Variants in FIP1L1 observed in about 807,000 individuals in gnomAD.
FIP1L1 encodes the protein factor interacting with PAPOLA and CPSF1, also known as pre-mRNA 3'-end-processing factor FIP1.
Under a neutral mutation model 84.6 loss-of-function variants are expected in FIP1L1, and 21 were observed. That is an observed-to-expected ratio of 0.25 (90% CI 0.18 to 0.36). The LOEUF is 0.36. FIP1L1 is among the 10% of genes least tolerant of loss of function. The pLI is 1.00. For synonymous variants in FIP1L1, 263 were observed against 242.3 expected, an observed-to-expected ratio of 1.09 and a Z score of -0.80; for missense variants, 526 against 751.1, an observed-to-expected ratio of 0.70 and a Z score of 3.50.
At chr4:53,378,203 G>C (rs1735727322) in intron 1 of FIP1L1, 2 of 340,618 alleles carry the variant, frequency 5.9e-6, no homozygotes, top group Non-Finnish European at 1.1e-5. Context: ...TGCTTTCCCC[G>C]AGGCGTCTCG....
At chr4:53,427,861 T>C (rs1764963974) in intron 12 of FIP1L1, among the ~76,000 whole-genome samples, 166 bp from the exon 13 acceptor site, 2 of 152,226 alleles carry the variant, frequency 1.3e-5, no homozygotes, top group African/African-American at 4.8e-5. Context: ...CAGGCGTATG[T>C]ATACACATAT....
At chr4:53,414,374 T>A (rs1758503774) in intron 10 of FIP1L1, among the ~76,000 whole-genome samples, 1 of 152,154 alleles carries the variant, frequency 6.6e-6, no homozygotes, top group Admixed American at 6.5e-5. Context: ...ATTTCTGCAT[T>A]GACATCATAC....
intron 13 of FIP1L1, among the ~76,000 whole-genome samples, chr4:53,438,805 A>G (rs1770638876): frequency 6.6e-6 from 1 of 152,166 alleles, no homozygotes; most frequent in African/African-American, 2.4e-5. Flanking sequence ...AATGTTTTTG[A>G]GGACTAAAGT....
chr4:53,442,526 A>T, intron 13 of FIP1L1, 127 bp from the exon 14 acceptor site: 1 of 641,318 alleles, frequency 1.6e-6, no homozygotes, highest in Admixed American at 2.9e-5. Flanking sequence ...TTTTCTGTCC[A>T]TTATTACAAC....
At chr4:53,403,108 T>C (rs1280027413) in intron 10 of FIP1L1, among the ~76,000 whole-genome samples, 1 of 152,128 alleles carries the variant, frequency 6.6e-6, no homozygotes, top group Non-Finnish European at 1.5e-5. Flanking sequence ...GTTCTGTGAA[T>C]AAACTAGGTG....
chr4:53,453,853 TAGTG>T (rs775540427), intron 16 of FIP1L1, among the ~76,000 whole-genome samples: 4 of 152,222 alleles, frequency 2.6e-5, no homozygotes, highest in Non-Finnish European at 5.9e-5. Flanking sequence ...AAAAACACTA[TAGTG>T]ATTTTCCAAA....
Position 53,413,856 on chromosome 4 carries a change from AG to A in FIP1L1, c.816-757del, listed in dbSNP as rs147364173. ...CAGTTCGAAAGGCAAGAGTATCCAA[AG>A]GTATATAGAAACTTGTCACATCTTT... On this transcript the variant is annotated intron_variant, in intron 10 of 17. Transcript: ENST00000337488. Among the ~76,000 whole-genome samples the A allele has an allele frequency of 6.5e-3, 992 of 152,242 alleles. 12 individuals are homozygous for A. The highest frequency in any genetic ancestry group is 0.023 in the African/African-American group (957 of 41,554).
intron 9 of FIP1L1, among the ~76,000 whole-genome samples, chr4:53,392,418 T>C (rs1389906002): frequency 6.6e-6 from 1 of 152,250 alleles, no homozygotes; most frequent in Non-Finnish European, 1.5e-5. Flanking sequence ...CAGTTCTATA[T>C]AGATAATTTT....
intron 16 of FIP1L1, among the ~76,000 whole-genome samples, chr4:53,456,566 G>A (rs1469943255): frequency 6.6e-6 from 1 of 152,098 alleles, no homozygotes; most frequent in Non-Finnish European, 1.5e-5. Context: ...ATGGCATGTA[G>A]TATATGTTGC....
Position 53,384,058 on chromosome 4 carries a change from C to T in FIP1L1, c.332+182C>T, listed in dbSNP as rs139581739. Among the ~76,000 whole-genome samples, 280 of 152,060 alleles carry T rather than the reference C, an allele frequency of 1.8e-3. 1 individual carries two copies. Among genetic ancestry groups the T allele is most frequent in the African/African-American group, 6.5e-3 (268 of 41,466 alleles). ...GCTAAAATACAGTTAATTGATTAGG[C>T]GAAGGTACATAGAAGCAGCAGTTTT... On this transcript the variant is annotated intron_variant, in intron 5 of 17. Coordinates refer to ENST00000337488, the MANE Select transcript of FIP1L1 (RefSeq NM_030917.4).
chr4:53,418,309 C>A (rs1329830473), intron 11 of FIP1L1, among the ~76,000 whole-genome samples: 1 of 152,022 alleles, frequency 6.6e-6, no homozygotes, highest in East Asian at 1.9e-4. Flanking sequence ...ACATAAATAA[C>A]AGTTATTATA....
At chr4:53,404,644 C>T (rs1233222269) in intron 10 of FIP1L1, among the ~76,000 whole-genome samples, 2 of 151,664 alleles carry the variant, frequency 1.3e-5, no homozygotes, top group Admixed American at 6.6e-5. Context: ...TAAAAGTGTT[C>T]CTATTTCTCC....
intron 10 of FIP1L1, among the ~76,000 whole-genome samples, chr4:53,407,111 A>G (rs917732241): frequency 2.0e-5 from 3 of 151,916 alleles, no homozygotes; most frequent in Non-Finnish European, 2.9e-5. Flanking sequence ...TAGGGTGTCA[A>G]TTTTAGATCT....
In FIP1L1 at chr4:53,460,757, G is replaced by C. The variant is rs115931379; in HGVS notation, c.*1308G>C. ...TTTTTGGAATCATATTTTCTGAGGTGTAACTGGCTTTCATTAGATGATCAT... is the reference window on the plus strand; with the variant it reads ...TTTTTGGAATCATATTTTCTGAGGTCTAACTGGCTTTCATTAGATGATCAT... On this transcript the variant is annotated 3_prime_UTR_variant, in exon 18 of 18. Coordinates refer to ENST00000337488, the MANE Select transcript of FIP1L1 (RefSeq NM_030917.4). 1,743 of 766,910 alleles carry C rather than the reference G, an allele frequency of 2.3e-3. 22 individuals carry two copies. In the African/African-American group the frequency reaches 0.028, roughly 12 times the overall value. The allele number at this position is 766,910 out of a possible 1,614,324, so 47.5% of individuals were successfully genotyped here. A position where few individuals can be genotyped will look rare whatever the true frequency, so the allele number is the denominator to read the frequency against.
intron 11 of FIP1L1, among the ~76,000 whole-genome samples, chr4:53,415,600 T>A (rs1240201540): frequency 6.6e-6 from 1 of 151,956 alleles, no homozygotes; most frequent in Non-Finnish European, 1.5e-5. Context: ...ATAAATATGT[T>A]TGCAATTATT....
At chr4:53,423,665 G>T (rs1763256894) in intron 11 of FIP1L1, among the ~76,000 whole-genome samples, 1 of 152,276 alleles carries the variant, frequency 6.6e-6, no homozygotes, top group South Asian at 2.1e-4. Flanking sequence ...ATCAGTTTAT[G>T]TGGTTAAAAA....
At chr4:53,400,025 T>C (rs1272443371) in intron 10 of FIP1L1, among the ~76,000 whole-genome samples, 186 bp downstream of exon 10, 1 of 152,216 alleles carries the variant, frequency 6.6e-6, no homozygotes, top group Non-Finnish European at 1.5e-5. Context: ...AAGCCTAGGG[T>C]AAGCAAGAAG....
intron 11 of FIP1L1, among the ~76,000 whole-genome samples, chr4:53,424,213 C>T (rs1763475350): frequency 6.6e-6 from 1 of 152,034 alleles, no homozygotes; most frequent in African/African-American, 2.4e-5. Flanking sequence ...GAAATTACAG[C>T]CTCAGAATGC....
chr4:53,383,675 GAA>G (rs943248259), intron 4 of FIP1L1, 96 bp from the exon 5 acceptor site: 7 of 1,006,392 alleles, frequency 7.0e-6, no homozygotes, highest in East Asian at 3.2e-5. Context: ...ACAGAAGAAA[GAA>G]AAAAAAAAAC....
Sources: allele counts gnomAD v4.1 joint callset (sites outside exome capture counted in the v4.1 genomes callset), GRCh38; gene constraint gnomAD v4.1.1; transcripts MANE v1.5; gene names NCBI Gene and HGNC (gene_info 2026-07-23, HGNC 2026-07-21).